The following SPATA13 variants were observed in gnomAD, a reference collection of about 807,000 sequenced individuals.
SPATA13 encodes the protein spermatogenesis associated 13.
A neutral mutation model predicts 104.0 loss-of-function variants in SPATA13; 50 were observed. The ratio of observed to expected loss-of-function variants is 0.48; its 90% CI spans 0.38 to 0.61. The LOEUF is 0.61. SPATA13 is among the 20% of genes least tolerant of loss of function. SPATA13 has a pLI of 0.00. For synonymous variants in SPATA13, 606 were observed against 667.5 expected (o/e 0.91, Z 1.42); for missense variants, 1,524 against 1,690.6 (o/e 0.90, Z 1.73).
intron 3 of SPATA13, among the ~76,000 whole-genome samples, chr13:24,149,113 C>T (rs574157971): frequency 1.5e-4 from 23 of 152,342 alleles, no homozygotes; most frequent in Middle Eastern, 3.4e-3. Flanking sequence ...AGCCATGGGG[C>T]AGATGAAAGA....
intron 3 of SPATA13, among the ~76,000 whole-genome samples, chr13:24,121,903 G>GC (rs556284233): frequency 2.0e-5 from 3 of 151,944 alleles, no homozygotes; most frequent in Non-Finnish European, 4.4e-5. Flanking sequence ...CTTTTCCAGT[G>GC]CCAGGTTGCA....
chr13:24,016,221 C>T (rs1003098995), intron 2 of SPATA13, among the ~76,000 whole-genome samples: 1 of 152,140 alleles, frequency 6.6e-6, no homozygotes, highest in Non-Finnish European at 1.5e-5. Context: ...GGGGTGGAGG[C>T]CAGTGGGGTC....
intron 3 of SPATA13, among the ~76,000 whole-genome samples, chr13:24,029,268 A>G (rs867527989): frequency 6.6e-6 from 1 of 152,290 alleles, no homozygotes; most frequent in African/African-American, 2.4e-5. Flanking sequence ...TGGGGCAAAG[A>G]TGCATCTTTT....
rs1876292368 is a variant in SPATA13 at position 24,290,738 on chromosome 13, G to A, written c.2934G>A (p.Lys978=). 6.2e-7 allele frequency: 1 copy of A among 1,614,224 alleles called. No homozygotes were observed. Among genetic ancestry groups the A allele is most frequent in the East Asian group, 2.2e-5 (1 of 44,892 alleles). The change falls in exon 9 of 13, where the codon AAG becomes AAA. Residue 978 remains lysine, a synonymous_variant. Transcript: ENST00000382108. ...TCGCCAACCTCATGAAGCAGGGCAA[G>A]TACAGACATTTCTTTGAAGCCTGCC... ...LELANLMKQG[K]YRHFFEACRL... is the part of the protein sequence containing the mutation.
At chr13:24,165,045 G>A (rs983421747) in intron 1 of SPATA13, among the ~76,000 whole-genome samples, 3 of 152,190 alleles carry the variant, frequency 2.0e-5, no homozygotes, top group Non-Finnish European at 4.4e-5. Flanking sequence ...ATGTGCTGTG[G>A]TCAGGATGTC....
chr13:24,054,991 T>G (rs1253852097), intron 3 of SPATA13, among the ~76,000 whole-genome samples: 1 of 152,216 alleles, frequency 6.6e-6, no homozygotes, highest in Non-Finnish European at 1.5e-5. Flanking sequence ...CACTCATAAT[T>G]CAATTTTTAT....
chr13:24,090,811 T>C (rs1349955391), intron 3 of SPATA13, among the ~76,000 whole-genome samples: 3 of 152,264 alleles, frequency 2.0e-5, no homozygotes, highest in Non-Finnish European at 2.9e-5. Flanking sequence ...TTGACTGCTT[T>C]ATTTCCTGTG....
chr13:24,083,280 G>A (rs1431393885), intron 3 of SPATA13, among the ~76,000 whole-genome samples: 1 of 152,196 alleles, frequency 6.6e-6, no homozygotes, highest in Non-Finnish European at 1.5e-5. Context: ...GGCCGTGAGT[G>A]ACACCAGCTC....
At chr13:24,093,039 TG>T (rs1236396104) in intron 3 of SPATA13, among the ~76,000 whole-genome samples, 4 of 152,224 alleles carry the variant, frequency 2.6e-5, no homozygotes, top group African/African-American at 7.2e-5. Flanking sequence ...GGTAAAACAA[TG>T]GGCACGATCA....
At chr13:24,292,995 CAAAAA>C (rs34221097) in intron 9 of SPATA13, among the ~76,000 whole-genome samples, 2 of 23,930 alleles carry the variant, frequency 8.4e-5, no homozygotes, top group Non-Finnish European at 1.3e-4. Flanking sequence ...GACTTTGTCT[CAAAAA>C]AAAAAAAAAA....
At chr13:24,212,602 T>G (rs1349250226) in intron 1 of SPATA13, among the ~76,000 whole-genome samples, 1 of 151,552 alleles carries the variant, frequency 6.6e-6, no homozygotes, top group Non-Finnish European at 1.5e-5. Context: ...GGAAAAGAAA[T>G]GAACCAGCAG....
Position 24,131,590 on chromosome 13 carries a change from C to T in SPATA13, c.-111-91229C>T, listed in dbSNP as rs550029860. ...CAAGATTTACAAGACATTTCAGTGG[C>T]TTATGAGAACAACAGAACCATGTAC... On this transcript the variant is annotated intron_variant, in intron 3 of 14. Transcript: ENST00000424834. Among the ~76,000 whole-genome samples the T allele has an allele frequency of 9.8e-5, 15 of 152,300 alleles. No homozygotes were observed. The South Asian group carries it at 2.9e-3, about 29-fold the overall frequency.
chr13:24,235,666 A>C (rs1386867491), intron 2 of SPATA13, among the ~76,000 whole-genome samples: 2 of 152,132 alleles, frequency 1.3e-5, no homozygotes, highest in Admixed American at 1.3e-4. Flanking sequence ...CCAAGGTGGG[A>C]GGATTGCTGG....
At chr13:24,259,447 C>T (rs1041525830) in intron 4 of SPATA13, among the ~76,000 whole-genome samples, 1 of 152,212 alleles carries the variant, frequency 6.6e-6, no homozygotes, top group African/African-American at 2.4e-5. Flanking sequence ...CGTACCAAGA[C>T]ATTTTCCAGT....
intron 3 of SPATA13, among the ~76,000 whole-genome samples, chr13:24,050,864 G>A (rs1047202311): frequency 6.6e-6 from 1 of 152,204 alleles, no homozygotes; most frequent in African/African-American, 2.4e-5. Context: ...AAATAAAGGG[G>A]CAAGCATCCT....
At chr13:24,204,953 G>A (rs978477191) in intron 1 of SPATA13, among the ~76,000 whole-genome samples, 1 of 152,078 alleles carries the variant, frequency 6.6e-6, no homozygotes, top group African/African-American at 2.4e-5. Context: ...AATAATAAGA[G>A]CCATGTATGA....
rs1337738529 is a variant in SPATA13 at position 24,247,314 on chromosome 13, A to T, written c.1654-2163A>T. 3.9e-5 allele frequency among the ~76,000 whole-genome samples: 6 copies of T among 152,108 alleles called. No homozygotes were observed. The South Asian group carries it at 1.0e-3, about 26-fold the overall frequency. ...CATTGCAGGAAAACTTTTGGAAAAGAACTCACGAAGCCCATTGTTTTGTGT... is the reference window on the plus strand; with the variant it reads ...CATTGCAGGAAAACTTTTGGAAAAGTACTCACGAAGCCCATTGTTTTGTGT... On this transcript the variant is annotated intron_variant, in intron 2 of 12. Transcript: ENST00000382108.
chr13:24,065,041 G>A (rs1048260089), intron 3 of SPATA13, among the ~76,000 whole-genome samples: 5 of 152,072 alleles, frequency 3.3e-5, no homozygotes, highest in Admixed American at 6.6e-5. Context: ...GGGACCTTGC[G>A]TTTATATTAA....
rs185041241 is a variant in SPATA13, at chr13:24,043,000, A to G, written c.-112+25299A>G. On this transcript the variant is annotated intron_variant, in intron 3 of 14. Coordinates refer to the SPATA13 transcript ENST00000424834. ...CTGGGTTGAGAATGAACCCTTTCGC[A>G]ATGTGTGTCTTAGTGAATAATGCCA... is the stretch of plus-strand genomic sequence containing the variant. Among the ~76,000 whole-genome samples, 1,042 of 152,346 alleles carry G rather than the reference A, an allele frequency of 6.8e-3. 8 individuals carry two copies. The highest frequency in any genetic ancestry group is 0.017 in the Middle Eastern group (5 of 294).
Sources: gnomAD v4.1 joint callset for allele counts (sites outside exome capture counted in the v4.1 genomes callset) on GRCh38, gnomAD v4.1.1 for gene constraint, MANE v1.5 for transcripts, NCBI Gene and HGNC (gene_info 2026-07-23, HGNC 2026-07-21) for gene names.